ARHGAP19: variants seen among roughly 807,000 people sequenced by gnomAD.
The protein encoded by ARHGAP19 is rho GTPase-activating protein 19.
In ARHGAP19, 48 loss-of-function variants were observed where a neutral mutation model predicts 60.9. That is an observed-to-expected ratio of 0.79 (90% confidence interval 0.62 to 1.00). ARHGAP19 has a LOEUF of 1.00. ARHGAP19 is among the 50% of genes least tolerant of loss of function. The pLI, the probability that ARHGAP19 is intolerant of heterozygous loss-of-function variation, is 0.00. For missense variants in ARHGAP19, 562 were observed against 597.2 expected, an observed-to-expected ratio of 0.94 and a Z score of 0.61; for synonymous variants, 209 against 215.5, an observed-to-expected ratio of 0.97 and a Z score of 0.27.
intron 8 of ARHGAP19, among the ~76,000 whole-genome samples, chr10:97,236,911 T>C (rs1842389178): frequency 6.6e-6 from 1 of 151,740 alleles, no homozygotes; most frequent in Non-Finnish European, 1.5e-5. Context: ...TACCAGTTTA[T>C]AGCATGAACA....
At chr10:97,283,274 T>C (rs1044070793) in intron 1 of ARHGAP19, among the ~76,000 whole-genome samples, 1 of 152,016 alleles carries the variant, frequency 6.6e-6, no homozygotes, top group African/African-American at 2.4e-5. Flanking sequence ...AGTAAAAGTG[T>C]AGGTGAGAGT....
chr10:97,267,556 C>T (rs1353275451), intron 1 of ARHGAP19, among the ~76,000 whole-genome samples: 2 of 152,272 alleles, frequency 1.3e-5, no homozygotes, highest in African/African-American at 4.8e-5. Flanking sequence ...CTGAACTGCC[C>T]TAGCAGAGGT....
rs558757776 is a variant in ARHGAP19, at chr10:97,270,651, C to T, written c.57-4526G>A. On this transcript the variant is annotated intron_variant, in intron 1 of 11. Transcript: ENST00000358531. The stretch of plus-strand genomic sequence containing the variant: ...ATGAGGCATTGGTAAATCGAAGAGA[C>T]AGGAAGAAAGCTTTCCCCTTGTTTG... 23 of 1,548,144 alleles carry T rather than the reference C, an allele frequency of 1.5e-5. No individual in the cohort carries two copies. In the South Asian group the frequency reaches 2.5e-4, roughly 17 times the overall value.
intron 9 of ARHGAP19, among the ~76,000 whole-genome samples, chr10:97,230,220 A>G (rs570881863): frequency 2.7e-4 from 41 of 152,222 alleles, no homozygotes; most frequent in Non-Finnish European, 5.6e-4. Context: ...TACTCATCAT[A>G]TAATTTTTTT....
intron 1 of ARHGAP19, among the ~76,000 whole-genome samples, chr10:97,287,982 A>T (rs1324776812): frequency 6.6e-6 from 1 of 152,150 alleles, no homozygotes. Context: ...GAATCTTTTG[A>T]ACCCAGGAGG....
intron 6 of ARHGAP19, among the ~76,000 whole-genome samples, chr10:97,253,060 A>G (rs1842708736): frequency 1.3e-5 from 2 of 152,146 alleles, no homozygotes; most frequent in African/African-American, 4.8e-5. Flanking sequence ...AGAAAGACAG[A>G]TATCACATGT....
chr10:97,283,416 T>C (rs1263584900), intron 1 of ARHGAP19, among the ~76,000 whole-genome samples: 1 of 151,750 alleles, frequency 6.6e-6, no homozygotes, highest in African/African-American at 2.4e-5. Flanking sequence ...TTAGCCAGCA[T>C]GGTGGCGCAT....
rs116430028 is a variant in ARHGAP19 at position 97,237,979 on chromosome 10, G to C, written c.1186-2664C>G. 2.5e-3 allele frequency among the ~76,000 whole-genome samples: 377 copies of C among 151,956 alleles called. 2 individuals are homozygous for C. Among genetic ancestry groups the C allele is most frequent in the African/African-American group, 8.9e-3 (367 of 41,432 alleles). ...TTATACCTTTTACCATTATTTTAGAGTGCACTCCTACTTATTTTTTTTTAA... is the reference window on the plus strand; with the variant it reads ...TTATACCTTTTACCATTATTTTAGACTGCACTCCTACTTATTTTTTTTTAA... On this transcript the variant is annotated intron_variant, in intron 8 of 11. Coordinates refer to ENST00000358531, the MANE Select transcript of ARHGAP19 (RefSeq NM_032900.6).
intron 5 of ARHGAP19, among the ~76,000 whole-genome samples, chr10:97,257,902 T>C (rs1842777241): frequency 6.6e-6 from 1 of 152,144 alleles, no homozygotes; most frequent in East Asian, 1.9e-4. Context: ...AACAGCCTTG[T>C]GGGGTATGTA....
At chr10:97,240,005 C>A (rs1403904960) in intron 8 of ARHGAP19, among the ~76,000 whole-genome samples, 1 of 151,948 alleles carries the variant, frequency 6.6e-6, no homozygotes, top group African/African-American at 2.4e-5. Context: ...CCCTGCTCGG[C>A]CCTGTACTAA....
intron 8 of ARHGAP19, among the ~76,000 whole-genome samples, chr10:97,237,662 G>A (rs1054101706): frequency 2.6e-5 from 4 of 152,060 alleles, no homozygotes; most frequent in Non-Finnish European, 5.9e-5. Flanking sequence ...CTTGAGACCA[G>A]GAGTTCAAGA....
rs190419807 is a variant in ARHGAP19 at position 97,270,787 on chromosome 10, T to A, written c.57-4662A>T. The A allele has an allele frequency of 6.2e-5, 51 of 825,900 alleles. No homozygotes were observed. In the East Asian group the frequency reaches 1.4e-3, roughly 23 times the overall value. The allele number at this position is 825,900 out of a possible 1,614,324, so 51.2% of individuals were successfully genotyped here. ...GGGCCTGAAAGGCAGTACTTAGGACTCTGAGCACTCATCTGCAAGAAGGAA... is the reference window on the plus strand; with the variant it reads ...GGGCCTGAAAGGCAGTACTTAGGACACTGAGCACTCATCTGCAAGAAGGAA... On this transcript the variant is annotated intron_variant, in intron 1 of 11. Transcript: ENST00000358531.
At chr10:97,257,569 G>A (rs1217149420) in intron 5 of ARHGAP19, among the ~76,000 whole-genome samples, 1 of 152,068 alleles carries the variant, frequency 6.6e-6, no homozygotes, top group Non-Finnish European at 1.5e-5. Flanking sequence ...GCCTCCCAAA[G>A]TGCTGTGATT....
rs988352471 is a variant in ARHGAP19, at chr10:97,224,118, C to T, written c.*2004G>A. ...CCTTAAATAGAATCAAAAACTAACACGATGACAGGAGCTATCAGGTCACCA... is the reference window on the plus strand; with the variant it reads ...CCTTAAATAGAATCAAAAACTAACATGATGACAGGAGCTATCAGGTCACCA... On this transcript the variant is annotated 3_prime_UTR_variant, in exon 12 of 12. Transcript: ENST00000358531. 3.3e-5 allele frequency: 5 copies of T among 152,204 alleles called. No individual in the cohort carries two copies. The highest frequency in any genetic ancestry group is 1.9e-4 in the East Asian group (1 of 5,210). 9.4% of individuals were successfully genotyped at this position (152,204 alleles called of 1,614,324 possible).
chr10:97,283,119 A>G (rs1006811717), intron 1 of ARHGAP19, among the ~76,000 whole-genome samples: 4 of 151,942 alleles, frequency 2.6e-5, no homozygotes, highest in Admixed American at 6.6e-5. Flanking sequence ...CTGGGATTAC[A>G]GGCGTGAGCC....
At chr10:97,242,422 C>T (rs951065299) in intron 8 of ARHGAP19, among the ~76,000 whole-genome samples, 3 of 151,124 alleles carry the variant, frequency 2.0e-5, no homozygotes, top group Admixed American at 6.6e-5. Flanking sequence ...CAACCTCCAC[C>T]TCCCGGGCTC....
intron 11 of ARHGAP19, 124 bp downstream of exon 11, chr10:97,229,023 C>A (rs1235326956): frequency 2.2e-6 from 2 of 922,014 alleles, no homozygotes; most frequent in East Asian, 2.5e-5. Context: ...AAGGACCTGG[C>A]CTTGTAATTT....
At chr10:97,262,334 T>A (rs1312641098) in intron 4 of ARHGAP19, among the ~76,000 whole-genome samples, 1 of 152,124 alleles carries the variant, frequency 6.6e-6, no homozygotes, top group Non-Finnish European at 1.5e-5. Flanking sequence ...TTGAACTATG[T>A]GTTTCTATTC....
intron 8 of ARHGAP19, 104 bp downstream of exon 8, chr10:97,243,864 G>T: frequency 2.5e-6 from 3 of 1,207,822 alleles, no homozygotes; most frequent in Non-Finnish European, 3.4e-6. Flanking sequence ...TGATTTCTCA[G>T]CTGAACCAAA....
Sources: gnomAD v4.1 joint callset for allele counts (sites outside exome capture counted in the v4.1 genomes callset) on GRCh38, gnomAD v4.1.1 for gene constraint, MANE v1.5 for transcripts, NCBI Gene and HGNC (gene_info 2026-07-23, HGNC 2026-07-21) for gene names.